Variants in ITIH5 observed in about 807,000 individuals in gnomAD.
ITIH5 encodes the protein inter-alpha-trypsin inhibitor heavy chain H5.
ITIH5 carries 65 observed loss-of-function variants against 77.5 expected under a neutral mutation model. That is an observed-to-expected ratio of 0.84 (90% CI 0.69 to 1.03). The LOEUF (loss-of-function observed/expected upper bound fraction) is 1.03, where lower values mean the gene tolerates loss of function less well. ITIH5 is among the 50% of genes least tolerant of loss of function. The pLI is 0.00. For synonymous variants in ITIH5, 525 were observed against 494.3 expected, an observed-to-expected ratio of 1.06 and a Z score of -0.82; for missense variants, 1,208 against 1,213.1, an observed-to-expected ratio of 1.00 and a Z score of 0.06.
At chr10:7,665,624 C>T (rs117217460) in intron 1 of ITIH5, among the ~76,000 whole-genome samples, 2,918 of 152,302 alleles carry the variant, frequency 0.019, 45 homozygotes, top group Non-Finnish European at 0.031. Context: ...ATTGAGCGTC[C>T]ACTGTATACC....
At chr10:7,625,977 G>A (rs549199224) in intron 5 of ITIH5, among the ~76,000 whole-genome samples, 24 of 152,304 alleles carry the variant, frequency 1.6e-4, no homozygotes, top group Admixed American at 1.1e-3. Context: ...TCCAGCTTGC[G>A]GAACACTGAG....
intron 13 of ITIH5, among the ~76,000 whole-genome samples, chr10:7,565,070 G>GTATATATATATA (rs138314369): frequency 7.4e-6 from 1 of 135,912 alleles, no homozygotes; most frequent in Non-Finnish European, 1.6e-5. Flanking sequence ...CACATAGACT[G>GTATATATATATA]TATATATATA....
chr10:7,595,487 T>G (rs1284066130), intron 7 of ITIH5, among the ~76,000 whole-genome samples: 1 of 152,182 alleles, frequency 6.6e-6, no homozygotes, highest in East Asian at 1.9e-4. Context: ...TGAATTCCTC[T>G]TCTTACTAGA....
At chr10:7,602,706 GA>G in intron 7 of ITIH5, among the ~76,000 whole-genome samples, 1 of 152,244 alleles carries the variant, frequency 6.6e-6, no homozygotes, top group Middle Eastern at 3.4e-3. Flanking sequence ...AGCAGTGTGA[GA>G]ACAAACTCAT....
Position 7,573,158 on chromosome 10 carries a change from T to G in ITIH5, c.2016A>C (p.Lys672Asn). The G allele has an allele frequency of 6.2e-7, 1 of 1,613,786 alleles. No individual in the cohort carries two copies. The highest frequency in any genetic ancestry group is 8.5e-7 in the Non-Finnish European group (1 of 1,179,766). Residue 672 changes from lysine to asparagine, a missense_variant, in exon 11 of 14, where the codon AAA becomes AAC. Lys to Asn is a moderately conservative substitution (Grantham distance 94, BLOSUM62 0). Coordinates refer to ENST00000397146, the MANE Select transcript of ITIH5 (RefSeq NM_030569.7). ...TTGCTTTACCTGATGTTTTAGAGAT[T>G]TTAATTCTTGGCTGGTATGGCTTCT... ...LLKKPYQPRI[K>N]ISKTSVDGDP...
At chr10:7,631,558 A>C (rs907544899) in intron 5 of ITIH5, among the ~76,000 whole-genome samples, 1 of 152,190 alleles carries the variant, frequency 6.6e-6, no homozygotes, top group Non-Finnish European at 1.5e-5. Context: ...CGAAGACTGC[A>C]CCGGCCCACT....
intron 2 of ITIH5, among the ~76,000 whole-genome samples, chr10:7,651,606 T>A (rs1193122068): frequency 1.3e-5 from 2 of 150,154 alleles, no homozygotes; most frequent in Non-Finnish European, 3.0e-5. Context: ...AGACTCTGTC[T>A]CAAAATAATA....
intron 1 of ITIH5, among the ~76,000 whole-genome samples, chr10:7,657,075 T>C (rs1226247436): frequency 1.6e-5 from 2 of 121,376 alleles, no homozygotes; most frequent in Non-Finnish European, 1.8e-5. Flanking sequence ...GACGGAGTCT[T>C]GTTCTGTTGC....
Position 7,631,789 on chromosome 10 carries a change from ATT to A in ITIH5, c.652+5437_652+5438del, listed in dbSNP as rs34814719. Among the ~76,000 whole-genome samples the A allele has an allele frequency of 2.6e-3, 379 of 143,536 alleles. 3 individuals are homozygous for A. The highest frequency in any genetic ancestry group is 0.011 in the East Asian group (55 of 4,928). 94.2% of individuals were successfully genotyped at this position (143,536 alleles called of 152,430 possible). ...TGAAATTGAGAAACAACTTTGTTTA[ATT>A]TTTTTTTTTTTTTTAAACCAAATCT... On this transcript the variant is annotated intron_variant, in intron 5 of 13. Coordinates refer to ENST00000397146, the MANE Select transcript of ITIH5 (RefSeq NM_030569.7).
chr10:7,627,533 G>C (rs1713492799), intron 5 of ITIH5, among the ~76,000 whole-genome samples: 2 of 152,120 alleles, frequency 1.3e-5, no homozygotes. Flanking sequence ...TGTATTTTCA[G>C]TGGTTCTCTT....
intron 7 of ITIH5, among the ~76,000 whole-genome samples, chr10:7,593,934 A>G (rs972984898): frequency 2.0e-5 from 3 of 152,264 alleles, no homozygotes; most frequent in Non-Finnish European, 4.4e-5. Flanking sequence ...TGAGCAGCCA[A>G]GAGCTCTGCC....
chr10:7,616,736 G>C (rs1833375260), intron 6 of ITIH5, among the ~76,000 whole-genome samples: 1 of 152,138 alleles, frequency 6.6e-6, no homozygotes, highest in African/African-American at 2.4e-5. Flanking sequence ...GCTGAGGCAG[G>C]AGAATTGCTT....
At chr10:7,568,101 G>C (rs1264537713) in intron 12 of ITIH5, among the ~76,000 whole-genome samples, 1 of 152,172 alleles carries the variant, frequency 6.6e-6, no homozygotes, top group Admixed American at 6.5e-5. Flanking sequence ...CTGTCTGGCT[G>C]AATAACAAAC....
intron 7 of ITIH5, among the ~76,000 whole-genome samples, chr10:7,599,906 G>A (rs762486079): frequency 2.6e-5 from 4 of 152,128 alleles, no homozygotes; most frequent in Non-Finnish European, 4.4e-5. Flanking sequence ...AGTTAAGGTC[G>A]CCAATGAGAC....
At chr10:7,599,092 A>G (rs1049656646) in intron 7 of ITIH5, among the ~76,000 whole-genome samples, 6 of 152,332 alleles carry the variant, frequency 3.9e-5, no homozygotes, top group African/African-American at 1.4e-4. Context: ...TATTTCTGCT[A>G]TTCTTTACGA....
At position 7,643,334 on chromosome 10, in the gene ITIH5, C is replaced by T. The variant is rs140719392; in HGVS notation, c.136-1244G>A. ...CCGAGCAAGCTAAAACAAGACATTA[C>T]CCCATGACAGTCTTTGAAGACATAC... On this transcript the variant is annotated intron_variant, in intron 2 of 13. Transcript: ENST00000397146. Among the ~76,000 whole-genome samples the T allele has an allele frequency of 2.1e-3, 322 of 152,312 alleles. 3 individuals are homozygous for T. The highest frequency in any genetic ancestry group is 0.014 in the Middle Eastern group (4 of 294).
intron 10 of ITIH5, 67 bp downstream of exon 10, chr10:7,576,386 T>G: frequency 7.5e-7 from 1 of 1,332,250 alleles, no homozygotes; most frequent in African/African-American, 1.5e-5. Flanking sequence ...TGGGGCTTCC[T>G]GTGGAGGAGG....
intron 7 of ITIH5, among the ~76,000 whole-genome samples, chr10:7,601,184 G>A (rs1833007842): frequency 6.6e-6 from 1 of 152,192 alleles, no homozygotes; most frequent in African/African-American, 2.4e-5. Context: ...TTGGCAAACT[G>A]TAGAAATGTG....
chr10:7,655,587 G>C (rs1387067115), intron 2 of ITIH5, 44 bp downstream of exon 2: 1 of 1,490,038 alleles, frequency 6.7e-7, no homozygotes, highest in African/African-American at 1.4e-5. Context: ...ATAAATAGAA[G>C]AATGAGGGAA....
Sources: gnomAD v4.1 joint callset for allele counts (sites outside exome capture counted in the v4.1 genomes callset) on GRCh38, gnomAD v4.1.1 for gene constraint, MANE v1.5 for transcripts, NCBI Gene and HGNC (gene_info 2026-07-23, HGNC 2026-07-21) for gene names.